The following ABL1 variants were observed in gnomAD, a reference collection of about 807,000 sequenced individuals.
ABL1 encodes the protein ABL proto-oncogene 1, non-receptor tyrosine kinase.
Under a neutral mutation model 94.7 loss-of-function variants are expected in ABL1, and 11 were observed. The observed-to-expected ratio is 0.12, with a 90% CI of 0.07 to 0.19. ABL1 has a LOEUF of 0.19. ABL1 is among the 10% of genes least tolerant of loss of function. The pLI is 1.00. For missense variants in ABL1, 1,082 were observed against 1,489.4 expected (o/e 0.73, Z 4.50); for synonymous variants, 656 against 622.4 (o/e 1.05, Z -0.80).
In ABL1 at chr9:130,884,657, G is replaced by GAATGAGGAAGCTGCT; in HGVS notation, c.2368_2382dup (p.Asn790_Ala794dup). ...CGCCTCCCCCCAGGCTGGTGAAAAA[G>GAATGAGGAAGCTGCT]AATGAGGAAGCTGCTGATGAGGTCT... On this transcript the variant is annotated inframe_insertion, in exon 11 of 11. Transcript: ENST00000318560. The surrounding 1 kb of genome is among the most constrained non-coding windows in gnomAD (Gnocchi z 5.6). 1.2e-6 allele frequency: 2 copies of GAATGAGGAAGCTGCT among 1,613,230 alleles called. No individual in the cohort carries two copies. The highest frequency in any genetic ancestry group is 1.7e-6 in the Non-Finnish European group (2 of 1,180,004).
At chr9:130,867,447 G>A (rs759175707) in intron 4 of ABL1, among the ~76,000 whole-genome samples, 10 of 152,166 alleles carry the variant, frequency 6.6e-5, no homozygotes, top group Non-Finnish European at 1.5e-4. Flanking sequence ...TCATTTGCAT[G>A]TATGTGAAAC....
chr9:130,824,902 T>C (rs979516557), intron 1 of ABL1, among the ~76,000 whole-genome samples: 1 of 152,188 alleles, frequency 6.6e-6, no homozygotes, highest in African/African-American at 2.4e-5. Context: ...CCATTGCTCC[T>C]CTAAGGACAG....
chr9:130,773,443 T>C (rs1359627537), intron 1 of ABL1, among the ~76,000 whole-genome samples: 1 of 152,118 alleles, frequency 6.6e-6, no homozygotes, highest in Non-Finnish European at 1.5e-5. Context: ...GATGCTTTTT[T>C]CCCCCAATGT....
At chr9:130,744,609 T>C (rs925422089) in intron 1 of ABL1, among the ~76,000 whole-genome samples, 7 of 150,588 alleles carry the variant, frequency 4.6e-5, no homozygotes, top group African/African-American at 1.7e-4. Flanking sequence ...TCCCAGCATT[T>C]TGGGGGGCCG....
intron 1 of ABL1, among the ~76,000 whole-genome samples, chr9:130,796,479 C>T (rs1324659503): frequency 1.3e-5 from 2 of 152,140 alleles, no homozygotes; most frequent in Non-Finnish European, 2.9e-5. Context: ...CACACCACTG[C>T]ACGCTAGCCT....
Position 130,887,020 on chromosome 9 carries a change from G to C in ABL1, c.*1337G>C, listed in dbSNP as rs919378029. 1 of 232,854 alleles carries C rather than the reference G, an allele frequency of 4.3e-6. No individual in the cohort carries two copies. Among genetic ancestry groups the C allele is most frequent in the African/African-American group, 2.2e-5 (1 of 45,312 alleles). The allele number at this position is 232,854 out of a possible 1,614,324, so 14.4% of individuals were successfully genotyped here. A position where few individuals can be genotyped will look rare whatever the true frequency, so the allele number is the denominator to read the frequency against. ...GCACGCCTGCCATCTTCTCCCCGAG[G>C]CTGCCCCAGGCCGGAGCCCAGATAC... On this transcript the variant is annotated 3_prime_UTR_variant, in exon 11 of 11. Transcript: ENST00000318560.
chr9:130,727,814 A>G (rs914049018), intron 1 of ABL1, among the ~76,000 whole-genome samples: 1 of 148,184 alleles, frequency 6.7e-6, no homozygotes, highest in Non-Finnish European at 1.5e-5. Flanking sequence ...GAACAAGAGA[A>G]CTAAGCATGT....
At chr9:130,766,668 T>A (rs1311890611) in intron 1 of ABL1, among the ~76,000 whole-genome samples, 1 of 152,086 alleles carries the variant, frequency 6.6e-6, no homozygotes, top group Non-Finnish European at 1.5e-5. Flanking sequence ...CATCCTTGCC[T>A]CCTCCTCTGC....
At chr9:130,859,623 G>T (rs1182466532) in intron 3 of ABL1, among the ~76,000 whole-genome samples, 1 of 147,660 alleles carries the variant, frequency 6.8e-6, no homozygotes, top group Non-Finnish European at 1.5e-5. Flanking sequence ...TCTAAGCTCC[G>T]TTAGGCCTGT....
At chr9:130,748,500 C>A (rs1338718903) in intron 1 of ABL1, among the ~76,000 whole-genome samples, 2 of 152,054 alleles carry the variant, frequency 1.3e-5, no homozygotes, top group Non-Finnish European at 2.9e-5. Context: ...GCAGTCTCCA[C>A]CTCCTGGGCT....
chr9:130,747,312 C>T (rs2855165), intron 1 of ABL1, among the ~76,000 whole-genome samples: 2 of 151,880 alleles, frequency 1.3e-5, no homozygotes, highest in East Asian at 3.9e-4. Context: ...TGGGAGGTGG[C>T]GGTTGCAGTG....
chr9:130,717,767 A>G (rs1294878327), intron 1 of ABL1, among the ~76,000 whole-genome samples: 1 of 151,984 alleles, frequency 6.6e-6, no homozygotes, highest in South Asian at 2.1e-4. Flanking sequence ...TAATCCCAGC[A>G]CTTTGGGAGG....
At chr9:130,742,847 TACTGTATAATA>T (rs1831837288) in intron 1 of ABL1, among the ~76,000 whole-genome samples, 1 of 151,988 alleles carries the variant, frequency 6.6e-6, no homozygotes, top group Non-Finnish European at 1.5e-5. Flanking sequence ...ATATAATATA[TACTGTATAATA>T]CCGTATATTA....
chr9:130,874,741 T>C, intron 6 of ABL1, 127 bp from the exon 7 acceptor site: 1 of 1,016,220 alleles, frequency 9.8e-7, no homozygotes, highest in East Asian at 2.4e-5. Context: ...TGGGCATTAA[T>C]ACAAACTTCC....
rs1005883564 is a variant in ABL1 at position 130,779,037 on chromosome 9, G to A, written c.136+64582G>A. ...GGGAAGAAAAACTTTCCAGTTAATC[G>A]AGAATTAGGATAAGTGAGATTTAAA... On this transcript the variant is annotated intron_variant, in intron 1 of 10. Coordinates refer to the ABL1 transcript ENST00000372348. Among the ~76,000 whole-genome samples the A allele has an allele frequency of 3.3e-5, 5 of 152,178 alleles. No individual in the cohort carries two copies. The East Asian group carries it at 5.8e-4, about 18-fold the overall frequency.
chr9:130,867,875 G>A (rs1351656704), intron 4 of ABL1, among the ~76,000 whole-genome samples: 1 of 151,830 alleles, frequency 6.6e-6, no homozygotes, highest in Non-Finnish European at 1.5e-5. Flanking sequence ...TTCCTCTCGA[G>A]CTTCAAGTCC....
chr9:130,872,795 T>C lies in ABL1; in HGVS notation c.908-65T>C, dbSNP rs909963706. ...AGAATCCTTCAGAAGGCTTTTTCTT[T>C]AGACAGTTGTTTGTTCAGTTGGGAG... On this transcript the variant is annotated intron_variant, in intron 5 of 10. Transcript: ENST00000318560. This position sits in a 1 kb window ranked among gnomAD's most constrained non-coding sequence, Gnocchi z 5.0. The C allele has an allele frequency of 6.6e-6, 10 of 1,511,916 alleles. No individual in the cohort carries two copies. The highest frequency in any genetic ancestry group is 1.4e-5 in the African/African-American group (1 of 71,986). 93.7% of individuals were successfully genotyped at this position (1,511,916 alleles called of 1,614,324 possible).
chr9:130,798,735 G>A (rs1160933037), intron 1 of ABL1, among the ~76,000 whole-genome samples: 2 of 152,258 alleles, frequency 1.3e-5, no homozygotes, highest in South Asian at 2.1e-4. Flanking sequence ...TTGGGAGGCT[G>A]AGGCGGGTGG....
intron 1 of ABL1, among the ~76,000 whole-genome samples, chr9:130,750,518 C>A (rs1474454974): frequency 1.3e-5 from 2 of 148,874 alleles, no homozygotes. Flanking sequence ...GTGGCGTGAT[C>A]TTGGCTTACT....
Sources: gnomAD v4.1 joint callset for allele counts (sites outside exome capture counted in the v4.1 genomes callset) on GRCh38, gnomAD v4.1.1 for gene constraint, Gnocchi (gnomAD v3.1) non-coding constraint, MANE v1.5 for transcripts, NCBI Gene and HGNC (gene_info 2026-07-23, HGNC 2026-07-21) for gene names.